Variants in GPT2 observed in about 807,000 individuals in gnomAD.
GPT2 encodes glutamic--pyruvic transaminase 2, also known as alanine aminotransferase 2.
A neutral mutation model predicts 56.9 loss-of-function variants in GPT2; 30 were observed. That is an observed-to-expected ratio of 0.53 (90% CI 0.39 to 0.72). The LOEUF is 0.72. GPT2 is among the 30% of genes least tolerant of loss of function. The pLI, the probability that GPT2 is intolerant of heterozygous loss-of-function variation, is 0.00. For missense variants in GPT2, 542 were observed against 703.4 expected (o/e 0.77, Z 2.60); for synonymous variants, 271 against 283.1 (o/e 0.96, Z 0.43).
Position 46,897,745 on chromosome 16 carries a change from G to GC in GPT2, c.333+13dup, listed in dbSNP as rs1567334612. ...ATCACCTTCCTCCGGCAGGTGAGCCGCCCCCAGGAGCAGAGGCTGCAGGAG... is the reference window on the plus strand; with the variant it reads ...ATCACCTTCCTCCGGCAGGTGAGCCGCCCCCCAGGAGCAGAGGCTGCAGGAG... On this transcript the variant is annotated intron_variant, in intron 3 of 11. Coordinates refer to ENST00000340124, the MANE Select transcript of GPT2 (RefSeq NM_133443.4). The GC allele has an allele frequency of 6.2e-6, 10 of 1,613,266 alleles. No homozygotes were observed. The highest frequency in any genetic ancestry group is 8.5e-6 in the Non-Finnish European group (10 of 1,179,358).
chr16:46,917,512 G>A (rs1009009527), intron 7 of GPT2, among the ~76,000 whole-genome samples: 1 of 152,162 alleles, frequency 6.6e-6, no homozygotes, highest in Admixed American at 6.5e-5. Flanking sequence ...TCTGGAACCA[G>A]GGTCTGCTCA....
intron 8 of GPT2, among the ~76,000 whole-genome samples, chr16:46,921,473 C>T (rs1961286143): frequency 6.6e-6 from 1 of 152,066 alleles, no homozygotes; most frequent in Non-Finnish European, 1.5e-5. Context: ...TCACCCGGCT[C>T]CCCCAAAAGC....
Position 46,924,327 on chromosome 16 carries a change from G to A in GPT2, c.1213-62G>A, listed in dbSNP as rs544912977. 200 of 1,569,140 alleles carry A rather than the reference G, an allele frequency of 1.3e-4. 2 individuals carry two copies. In the South Asian group the frequency reaches 2.1e-3, roughly 17 times the overall value. On this transcript the variant is annotated intron_variant, in intron 9 of 11. Coordinates refer to ENST00000340124, the MANE Select transcript of GPT2 (RefSeq NM_133443.4). ...TCCGCAAGTGCTGCAGGAAAGATCA[G>A]TGGCTGGAGTGAATCTTTATCCAGA...
At chr16:46,897,618 G>A in intron 2 of GPT2, 30 bp from the exon 3 acceptor site, 2 of 1,606,512 alleles carry the variant, frequency 1.2e-6, no homozygotes, top group Non-Finnish European at 1.7e-6. Context: ...GAGTTTCTAA[G>A]TAACCACCTG....
At chr16:46,906,660 G>A (rs1224673622) in intron 4 of GPT2, among the ~76,000 whole-genome samples, 182 bp from the exon 5 acceptor site, 1 of 152,100 alleles carries the variant, frequency 6.6e-6, no homozygotes, top group Non-Finnish European at 1.5e-5. Context: ...AGAGGGGTGG[G>A]TGGATGAAGC....
At chr16:46,895,250 C>T (rs1009855628) in intron 2 of GPT2, among the ~76,000 whole-genome samples, 4 of 152,022 alleles carry the variant, frequency 2.6e-5, no homozygotes, top group African/African-American at 4.8e-5. Context: ...TCAGGCCAGG[C>T]GAGGTGGCTC....
intron 2 of GPT2, among the ~76,000 whole-genome samples, chr16:46,887,925 C>T (rs1400738448): frequency 6.6e-6 from 1 of 152,204 alleles, no homozygotes; most frequent in Non-Finnish European, 1.5e-5. Context: ...AGGGGCCTTG[C>T]TTCTCCCTGA....
chr16:46,908,014 G>A (rs1960970058), intron 5 of GPT2, among the ~76,000 whole-genome samples: 3 of 150,878 alleles, frequency 2.0e-5, no homozygotes, highest in Admixed American at 2.0e-4. Context: ...TCCTGGGTTT[G>A]GGGGACCGGT....
In GPT2 at chr16:46,930,861, C is replaced by T. The variant is rs887097880; in HGVS notation, c.*1864C>T. On this transcript the variant is annotated 3_prime_UTR_variant, in exon 12 of 12. Transcript: ENST00000340124. ...AAAGAGACTGTATACACTTGATTTG[C>T]TTTCAAAATAAATAAGGTCAGCTAG... The T allele has an allele frequency of 2.0e-5, 3 of 152,584 alleles. No homozygotes were observed. Among genetic ancestry groups the T allele is most frequent in the Non-Finnish European group, 4.4e-5 (3 of 68,026 alleles). The allele number at this position is 152,584 out of a possible 1,614,324, so 9.5% of individuals were successfully genotyped here. A position where few individuals can be genotyped will look rare whatever the true frequency, so the allele number is the denominator to read the frequency against.
intron 4 of GPT2, among the ~76,000 whole-genome samples, chr16:46,904,865 T>TA (rs1960888473): frequency 6.6e-6 from 1 of 152,124 alleles, no homozygotes; most frequent in Non-Finnish European, 1.5e-5. Context: ...TTTTTAAACT[T>TA]ACAAAATACT....
intron 6 of GPT2, among the ~76,000 whole-genome samples, chr16:46,910,138 T>A (rs1309449404): frequency 6.6e-6 from 1 of 152,054 alleles, no homozygotes. Context: ...CCCAGCACTT[T>A]GGGAGGCCGA....
In GPT2 at chr16:46,892,776, TTTC is replaced by T. The variant is rs533442639; in HGVS notation, c.244-4869_244-4867del. 1.4e-4 allele frequency among the ~76,000 whole-genome samples: 22 copies of T among 152,328 alleles called. No individual in the cohort carries two copies. The South Asian group carries it at 4.6e-3, about 32-fold the overall frequency. On this transcript the variant is annotated intron_variant, in intron 2 of 11. Coordinates refer to ENST00000340124, the MANE Select transcript of GPT2 (RefSeq NM_133443.4). ...TTTACATCAGGTTTAATCAGTTTTTTTTCTTGAGTTGTATGAATTCCTTATTTG... is the reference window on the plus strand; with the variant it reads ...TTTACATCAGGTTTAATCAGTTTTTTTTGAGTTGTATGAATTCCTTATTTG...
rs185199450 is a variant in GPT2, at chr16:46,920,823, G to A, written c.1038-1419G>A. On this transcript the variant is annotated intron_variant, in intron 8 of 11. Coordinates refer to ENST00000340124, the MANE Select transcript of GPT2 (RefSeq NM_133443.4). ...TCTTTTCCTAAACAAATCTGTTCTCGGTGAACTCAGTTTTCAAACTCAAGC... is the reference window on the plus strand; with the variant it reads ...TCTTTTCCTAAACAAATCTGTTCTCAGTGAACTCAGTTTTCAAACTCAAGC... Among the ~76,000 whole-genome samples, 332 of 152,068 alleles carry A rather than the reference G, an allele frequency of 2.2e-3. 2 individuals carry two copies. The highest frequency in any genetic ancestry group is 4.0e-3 in the Non-Finnish European group (273 of 67,984).
chr16:46,922,526 G>A, intron 9 of GPT2, 110 bp downstream of exon 9: 1 of 1,053,148 alleles, frequency 9.5e-7, no homozygotes, highest in Non-Finnish European at 1.4e-6. Context: ...TCCTGAGGGT[G>A]TGGCCTGCAG....
At chr16:46,900,063 A>G (rs1235289691) in intron 3 of GPT2, among the ~76,000 whole-genome samples, 1 of 152,196 alleles carries the variant, frequency 6.6e-6, no homozygotes, top group Admixed American at 6.5e-5. Context: ...TGACCCCCTC[A>G]GTGCACCTGG....
intron 3 of GPT2, among the ~76,000 whole-genome samples, chr16:46,900,049 G>C (rs1212507944): frequency 6.6e-6 from 1 of 152,228 alleles, no homozygotes; most frequent in African/African-American, 2.4e-5. Context: ...AGAGCCACAA[G>C]TCCTGACCCC....
intron 4 of GPT2, among the ~76,000 whole-genome samples, chr16:46,902,643 G>T (rs892979541): frequency 2.6e-5 from 4 of 152,050 alleles, no homozygotes; most frequent in Non-Finnish European, 1.5e-5. Context: ...TTATTTTTTT[G>T]AAACAGAGTG....
chr16:46,901,396 G>A (rs1405192112), intron 4 of GPT2, among the ~76,000 whole-genome samples: 1 of 152,140 alleles, frequency 6.6e-6, no homozygotes, highest in African/African-American at 2.4e-5. Context: ...CCACAGAGTG[G>A]ACCTGGAACT....
chr16:46,888,810 C>T (rs754357593), intron 2 of GPT2, among the ~76,000 whole-genome samples: 6 of 151,648 alleles, frequency 4.0e-5, no homozygotes, highest in African/African-American at 9.7e-5. Context: ...CCACCATGCC[C>T]GGCTAATTTT....
Sources: gnomAD v4.1 joint callset for allele counts (sites outside exome capture counted in the v4.1 genomes callset) on GRCh38, gnomAD v4.1.1 for gene constraint, MANE v1.5 for transcripts, NCBI Gene and HGNC (gene_info 2026-07-23, HGNC 2026-07-21) for gene names.